Variants in MME observed in about 807,000 individuals in gnomAD.
The protein encoded by MME is neprilysin.
In MME, 98 loss-of-function variants were observed where a neutral mutation model predicts 113.2. That is an observed-to-expected ratio of 0.87 (90% CI 0.74 to 1.02). The LOEUF (loss-of-function observed/expected upper bound fraction) is 1.02. Among genes scored for constraint, MME ranks in the 50% least tolerant of loss-of-function variants. The pLI is 0.00. For synonymous variants in MME, 292 were observed against 300.6 expected, an observed-to-expected ratio of 0.97 and a Z score of 0.30; for missense variants, 836 against 896.0, an observed-to-expected ratio of 0.93 and a Z score of 0.86.
intron 1 of MME, among the ~76,000 whole-genome samples, chr3:155,039,972 G>A (rs146035484): frequency 3.7e-4 from 56 of 152,156 alleles, no homozygotes; most frequent in African/African-American, 1.3e-3. Context: ...AAAAATAAAA[G>A]TCAGGGGAAT....
chr3:155,175,078 C>T (rs1299776718), intron 22 of MME, among the ~76,000 whole-genome samples: 1 of 151,780 alleles, frequency 6.6e-6, no homozygotes, highest in Non-Finnish European at 1.5e-5. Flanking sequence ...ATTAAAAACA[C>T]ATTTCTACCT....
intron 8 of MME, among the ~76,000 whole-genome samples, chr3:155,130,754 A>G (rs777042126): frequency 6.6e-6 from 1 of 152,216 alleles, no homozygotes; most frequent in Non-Finnish European, 1.5e-5. Context: ...CCACCTACCC[A>G]ATGTACAAGC....
chr3:155,150,706 C>G (rs1721861578), intron 16 of MME, among the ~76,000 whole-genome samples: 1 of 152,110 alleles, frequency 6.6e-6, no homozygotes, highest in East Asian at 1.9e-4. Flanking sequence ...TAAGTACCAC[C>G]CACCAAGTGA....
At chr3:155,128,714 A>G (rs913781636) in intron 8 of MME, among the ~76,000 whole-genome samples, 3 of 152,176 alleles carry the variant, frequency 2.0e-5, no homozygotes, top group African/African-American at 7.2e-5. Flanking sequence ...ATGAAGTGGA[A>G]GCAATGCTGT....
intron 22 of MME, among the ~76,000 whole-genome samples, chr3:155,179,278 G>A (rs1712847077): frequency 1.3e-5 from 2 of 152,252 alleles, no homozygotes; most frequent in South Asian, 4.1e-4. Context: ...GTACCACGAG[G>A]AGGCTAGAGA....
At chr3:155,091,880 G>A (rs1454827829) in intron 3 of MME, among the ~76,000 whole-genome samples, 1 of 152,110 alleles carries the variant, frequency 6.6e-6, no homozygotes, top group African/African-American at 2.4e-5. Flanking sequence ...TTCTGAACCA[G>A]CTGAAAACTA....
chr3:155,028,317 T>C (rs1424062122), intron 1 of MME, among the ~76,000 whole-genome samples: 1 of 152,108 alleles, frequency 6.6e-6, no homozygotes, highest in Non-Finnish European at 1.5e-5. Context: ...GGGGAATACA[T>C]GAGATTGGGT....
At chr3:155,042,930 A>ATATATATG (rs1553749799) in intron 1 of MME, among the ~76,000 whole-genome samples, 46 of 70,522 alleles carry the variant, frequency 6.5e-4, no homozygotes, top group African/African-American at 2.8e-3. Context: ...ATATATATAT[A>ATATATATG]TATATATATG....
chr3:155,047,882 G>C (rs1713614601), intron 1 of MME, among the ~76,000 whole-genome samples: 1 of 152,178 alleles, frequency 6.6e-6, no homozygotes, highest in Non-Finnish European at 1.5e-5. Flanking sequence ...TTGAATTTCA[G>C]TTCCATGTTC....
At chr3:155,077,885 T>A (rs770496498), upstream of MME, among the ~76,000 whole-genome samples, 32 of 152,138 alleles carry the variant, frequency 2.1e-4, no homozygotes, top group Non-Finnish European at 4.4e-4. Flanking sequence ...TCATACATTT[T>A]AAGTAAATCC....
intron 3 of MME, among the ~76,000 whole-genome samples, chr3:155,109,491 A>C (rs2108236959): frequency 6.6e-6 from 1 of 152,336 alleles, no homozygotes; most frequent in East Asian, 1.9e-4. Context: ...AGTCACTGCA[A>C]AACATAGGTT....
rs1438409141 is a variant in MME, at chr3:155,180,387, A to G, written c.2181A>G (p.Ala727=). ...FRIIGTLQNS[A]EFSEAFHCRK... is the part of the protein sequence containing the mutation. ...TTATTGGGACTTTGCAGAACTCTGC[A>G]GAGTTTTCAGAAGCCTTTCACTGCC... The change falls in exon 23 of 23, where the codon GCA becomes GCG. Residue 727 remains alanine, a synonymous_variant. Coordinates refer to ENST00000360490, the MANE Select transcript of MME (RefSeq NM_007289.4). 1.2e-6 allele frequency: 2 copies of G among 1,613,592 alleles called. No homozygotes were observed. The highest frequency in any genetic ancestry group is 1.7e-6 in the Non-Finnish European group (2 of 1,179,656).
intron 7 of MME, among the ~76,000 whole-genome samples, chr3:155,117,377 C>T (rs1718709584): frequency 1.3e-5 from 2 of 152,078 alleles, no homozygotes; most frequent in South Asian, 4.1e-4. Context: ...TCAAAAAGAA[C>T]ACAGAAAAGG....
chr3:155,168,867 A>C, intron 20 of MME, 70 bp downstream of exon 20: 2 of 1,360,878 alleles, frequency 1.5e-6, no homozygotes, highest in Non-Finnish European at 2.1e-6. Context: ...ATTCATTTAA[A>C]ACCTTTTGCA....
chr3:155,079,119 A>G (rs1714891779), upstream of MME, among the ~76,000 whole-genome samples: 1 of 152,108 alleles, frequency 6.6e-6, no homozygotes, highest in African/African-American at 2.4e-5. Flanking sequence ...TCGACCAAGG[A>G]AAAGAAAGGG....
At chr3:155,154,934 C>A (rs1357646799) in intron 16 of MME, among the ~76,000 whole-genome samples, 3 of 152,178 alleles carry the variant, frequency 2.0e-5, no homozygotes, top group Non-Finnish European at 4.4e-5. Flanking sequence ...ATACACTAAA[C>A]TTGAACAAAT....
At chr3:155,129,805 A>G (rs991086344) in intron 8 of MME, among the ~76,000 whole-genome samples, 1 of 152,238 alleles carries the variant, frequency 6.6e-6, no homozygotes, top group Non-Finnish European at 1.5e-5. Flanking sequence ...ACAAATTTCT[A>G]TGCTAGGAAA....
At chr3:155,091,682 G>A (rs1305684147) in intron 3 of MME, among the ~76,000 whole-genome samples, 1 of 152,172 alleles carries the variant, frequency 6.6e-6, no homozygotes, top group Non-Finnish European at 1.5e-5. Flanking sequence ...TTTCTGGTAA[G>A]CCTTTGATAT....
chr3:155,115,172 T>C lies in MME; in HGVS notation c.358+17T>C. On this transcript the variant is annotated intron_variant, in intron 4 of 22. Coordinates refer to ENST00000360490, the MANE Select transcript of MME (RefSeq NM_007289.4). ...TTTTGAAAGGTTAGTAGAGATTGTGTCTGTGCATCAAAGATTTCTCTCTTA... is the reference window on the plus strand; with the variant it reads ...TTTTGAAAGGTTAGTAGAGATTGTGCCTGTGCATCAAAGATTTCTCTCTTA... The C allele has an allele frequency of 6.2e-7, 1 of 1,613,386 alleles. No homozygotes were observed. Among genetic ancestry groups the C allele is most frequent in the Non-Finnish European group, 8.5e-7 (1 of 1,179,568 alleles).
Sources: allele counts gnomAD v4.1 joint callset (sites outside exome capture counted in the v4.1 genomes callset), GRCh38; gene constraint gnomAD v4.1.1; transcripts MANE v1.5; gene names NCBI Gene and HGNC (gene_info 2026-07-23, HGNC 2026-07-21).